SLC44A5: variants seen among roughly 807,000 people sequenced by gnomAD.
The protein encoded by SLC44A5 is solute carrier family 44 member 5.
Under a neutral mutation model 101.8 loss-of-function variants are expected in SLC44A5, and 57 were observed. The ratio of observed to expected loss-of-function variants is 0.56; its 90% CI spans 0.45 to 0.70. The LOEUF is 0.70. Ranked by LOEUF, SLC44A5 falls within the 30% of genes least tolerant of loss-of-function variation. SLC44A5 has a pLI of 0.00. For missense variants in SLC44A5, 737 were observed against 853.1 expected, an observed-to-expected ratio of 0.86 and a Z score of 1.70; for synonymous variants, 281 against 290.9, an observed-to-expected ratio of 0.97 and a Z score of 0.35.
intron 2 of SLC44A5, among the ~76,000 whole-genome samples, chr1:75,535,071 C>CT (rs34439007): frequency 7.9e-4 from 110 of 139,774 alleles, no homozygotes; most frequent in African/African-American, 2.5e-3. Context: ...ATTGAAGCTG[C>CT]TTTTTTTTTT....
At chr1:75,278,828 TAAC>T (rs944302082) in intron 5 of SLC44A5, among the ~76,000 whole-genome samples, 3 of 152,150 alleles carry the variant, frequency 2.0e-5, no homozygotes, top group Admixed American at 2.0e-4. Flanking sequence ...TAGCAAATTC[TAAC>T]AACAAAAAAG....
intron 2 of SLC44A5, among the ~76,000 whole-genome samples, chr1:75,513,209 CA>C (rs1403673522): frequency 2.6e-5 from 4 of 152,186 alleles, no homozygotes; most frequent in Admixed American, 6.5e-5. Flanking sequence ...CTTATACAGA[CA>C]GCCAACATTT....
Position 75,339,640 on chromosome 1 carries a change from A to C in SLC44A5, c.53-10T>G. The C allele has an allele frequency of 1.2e-6, 2 of 1,605,172 alleles. No individual in the cohort carries two copies. The highest frequency in any genetic ancestry group is 4.5e-5 in the East Asian group (2 of 44,556). ...TATGTCCTTGGATCACCTGCATTTA[A>C]AACAAAGACATTTTAAGCATATAAG... On this transcript the variant is annotated splice_polypyrimidine_tract_variant and intron_variant, in intron 3 of 23. Coordinates refer to ENST00000370859, the MANE Select transcript of SLC44A5 (RefSeq NM_001130058.2).
the SLC44A5 span, among the ~76,000 whole-genome samples, chr1:75,714,582 A>G: frequency 6.6e-6 from 1 of 152,240 alleles, no homozygotes; most frequent in African/African-American, 2.4e-5. Flanking sequence ...TTTGCAGACA[A>G]TGTAATTCTA....
intron 4 of SLC44A5, among the ~76,000 whole-genome samples, chr1:75,311,966 C>T (rs1052018745): frequency 6.6e-6 from 1 of 152,076 alleles, no homozygotes; most frequent in African/African-American, 2.4e-5. Flanking sequence ...TATGGTTTGG[C>T]TGTGTCCCCA....
chr1:75,644,233 A>G, the SLC44A5 span, among the ~76,000 whole-genome samples: 1 of 152,210 alleles, frequency 6.6e-6, no homozygotes, highest in Non-Finnish European at 1.5e-5. Context: ...ATGTATTAAT[A>G]AGGCAAGTGT....
At chr1:75,673,482 G>A in the SLC44A5 span, among the ~76,000 whole-genome samples, 1 of 152,120 alleles carries the variant, frequency 6.6e-6, no homozygotes, top group Non-Finnish European at 1.5e-5. Flanking sequence ...ACTAGGGGAA[G>A]GGGGGAGCTC....
intron 10 of SLC44A5, among the ~76,000 whole-genome samples, chr1:75,237,706 T>A (rs1282062687): frequency 6.6e-6 from 1 of 152,090 alleles, no homozygotes; most frequent in East Asian, 1.9e-4. Flanking sequence ...TGTTTTTGAC[T>A]TTTATATCAA....
intron 4 of SLC44A5, among the ~76,000 whole-genome samples, chr1:75,315,442 C>A (rs992350703): frequency 6.6e-6 from 1 of 152,112 alleles, no homozygotes; most frequent in African/African-American, 2.4e-5. Flanking sequence ...TGCCCCCAAA[C>A]ATGAATTTCC....
chr1:75,348,808 C>T (rs1217806196), intron 3 of SLC44A5, among the ~76,000 whole-genome samples: 1 of 152,120 alleles, frequency 6.6e-6, no homozygotes, highest in African/African-American at 2.4e-5. Context: ...ACTATGTTTA[C>T]TGTTTTTTAG....
At chr1:75,632,388 T>G in the SLC44A5 span, among the ~76,000 whole-genome samples, 4 of 152,158 alleles carry the variant, frequency 2.6e-5, no homozygotes, top group African/African-American at 7.2e-5. Flanking sequence ...CTTCTTTTTT[T>G]TTTTGCTTGT....
intron 2 of SLC44A5, among the ~76,000 whole-genome samples, chr1:75,496,949 T>C (rs1222680990): frequency 6.6e-6 from 1 of 152,008 alleles, no homozygotes; most frequent in Non-Finnish European, 1.5e-5. Flanking sequence ...TTCACACCTA[T>C]TAGAATGGTT....
At chr1:75,258,263 C>T (rs1445978400) in intron 6 of SLC44A5, among the ~76,000 whole-genome samples, 2 of 152,110 alleles carry the variant, frequency 1.3e-5, no homozygotes, top group South Asian at 2.1e-4. Context: ...CCCACAACCA[C>T]GGAGACCAGA....
intron 2 of SLC44A5, among the ~76,000 whole-genome samples, chr1:75,453,595 T>A (rs555528446): frequency 2.1e-4 from 32 of 151,930 alleles, no homozygotes; most frequent in South Asian, 4.1e-4. Context: ...ATACAAAGGA[T>A]CAATGAAACC....
chr1:75,477,914 A>G (rs1667536945), intron 2 of SLC44A5, among the ~76,000 whole-genome samples: 1 of 151,922 alleles, frequency 6.6e-6, no homozygotes, highest in Non-Finnish European at 1.5e-5. Flanking sequence ...CCACAAAGAT[A>G]CTCCTCGAGA....
At chr1:75,334,493 C>A (rs551685802) in intron 4 of SLC44A5, among the ~76,000 whole-genome samples, 137 of 152,208 alleles carry the variant, frequency 9.0e-4, no homozygotes, top group African/African-American at 2.8e-3. Flanking sequence ...AAAAAGAAGA[C>A]AAAATCTGCA....
At chr1:75,567,723 A>G (rs1557915612) in intron 1 of SLC44A5, among the ~76,000 whole-genome samples, 2 of 152,190 alleles carry the variant, frequency 1.3e-5, no homozygotes, top group Non-Finnish European at 2.9e-5. Context: ...TGAAAAAGCA[A>G]GTAATATGCT....
chr1:75,656,782 C>T, the SLC44A5 span, among the ~76,000 whole-genome samples: 6,650 of 152,210 alleles, frequency 0.044, 202 homozygotes, highest in African/African-American at 0.091. Flanking sequence ...TCTAAAACAA[C>T]TAAAATACAA....
intron 4 of SLC44A5, among the ~76,000 whole-genome samples, chr1:75,328,105 GCTTCCCAACCAAGC>G (rs1656747103): frequency 6.6e-6 from 1 of 152,196 alleles, no homozygotes; most frequent in African/African-American, 2.4e-5. Context: ...ATCCCTGCTG[GCTTCCCAACCAAGC>G]CTACCCACTG....
Sources: allele counts gnomAD v4.1 joint callset (sites outside exome capture counted in the v4.1 genomes callset), GRCh38; gene constraint gnomAD v4.1.1; transcripts MANE v1.5; gene names NCBI Gene and HGNC (gene_info 2026-07-23, HGNC 2026-07-21).